REEP1: variants seen among roughly 807,000 people sequenced by gnomAD.
REEP1 encodes the protein receptor accessory protein 1.
Under a neutral mutation model 40.3 loss-of-function variants are expected in REEP1, and 22 were observed. The observed-to-expected ratio is 0.55, with a 90% CI of 0.39 to 0.78. The LOEUF is 0.78. Among genes scored for constraint, REEP1 ranks in the 30% least tolerant of loss-of-function variants. The pLI, the probability that REEP1 is intolerant of heterozygous loss-of-function variation, is 0.00. For synonymous variants in REEP1, 116 were observed against 139.2 expected, an observed-to-expected ratio of 0.83 and a Z score of 1.17; for missense variants, 280 against 361.1, an observed-to-expected ratio of 0.78 and a Z score of 1.82.
intron 2 of REEP1, among the ~76,000 whole-genome samples, chr2:86,270,911 A>T (rs78300575): frequency 0.03 from 4,578 of 152,288 alleles, 117 homozygotes; most frequent in East Asian, 0.071. Context: ...GATTAAAAAA[A>T]AAATAACAAA....
Position 86,215,709 on chromosome 2 carries a change from T to A in REEP1, c.*1330A>T, listed in dbSNP as rs141138007. 3.6e-3 allele frequency: 544 copies of A among 152,732 alleles called. 2 individuals carry two copies. The highest frequency in any genetic ancestry group is 4.6e-3 in the Non-Finnish European group (310 of 68,024). The allele number at this position is 152,732 out of a possible 1,614,324, so 9.5% of individuals were successfully genotyped here. On this transcript the variant is annotated 3_prime_UTR_variant, in exon 9 of 9. Transcript: ENST00000538924. ...AAACCAGATTCTTTTCAAATAAAATTCTCAATCTAAGTGGAAAGCCCCCTC... is the reference window on the plus strand; with the variant it reads ...AAACCAGATTCTTTTCAAATAAAATACTCAATCTAAGTGGAAAGCCCCCTC...
At chr2:86,333,965 G>A (rs192100636) in intron 1 of REEP1, among the ~76,000 whole-genome samples, 6 of 152,278 alleles carry the variant, frequency 3.9e-5, no homozygotes, top group African/African-American at 7.2e-5. Context: ...AGCCTTGCCC[G>A]TGGGCACAAG....
rs147205600 is a variant in REEP1 at position 86,265,323 on chromosome 2, C to G, written c.106-1282G>C. The stretch of plus-strand genomic sequence containing the variant: ...GCATTTGGAATTTCCAGTGAAACAC[C>G]TGGAAGACCACATCTTAGCAATAAA... On this transcript the variant is annotated intron_variant, in intron 2 of 8. Coordinates refer to ENST00000538924, the MANE Select transcript of REEP1 (RefSeq NM_001371279.1). Among the ~76,000 whole-genome samples the G allele has an allele frequency of 9.4e-4, 143 of 152,242 alleles. 1 individual carries two copies. The highest frequency in any genetic ancestry group is 3.2e-3 in the African/African-American group (133 of 41,540).
intron 5 of REEP1, among the ~76,000 whole-genome samples, chr2:86,244,839 G>A (rs1675846137): frequency 6.6e-6 from 1 of 152,206 alleles, no homozygotes; most frequent in Admixed American, 6.5e-5. Flanking sequence ...ACTGGCAAAT[G>A]AGGACTTGAA....
chr2:86,217,034 C>T lies in REEP1; in HGVS notation c.*5G>A. On this transcript the variant is annotated 3_prime_UTR_variant, in exon 9 of 9. Transcript: ENST00000538924. ...TGTGGATCCGGTGCTGTTGGCTCAT[C>T]TCACTCACGTGGTTTCGGTGGCCGA... The T allele has an allele frequency of 6.2e-7, 1 of 1,613,092 alleles. No homozygotes were observed. Among genetic ancestry groups the T allele is most frequent in the Non-Finnish European group, 8.5e-7 (1 of 1,179,036 alleles).
intron 1 of REEP1, among the ~76,000 whole-genome samples, chr2:86,326,181 T>C (rs543071302): frequency 1.3e-5 from 2 of 152,218 alleles, no homozygotes; most frequent in South Asian, 4.1e-4. Context: ...TGACTGGTTA[T>C]GTGACCTCAT....
intron 1 of REEP1, among the ~76,000 whole-genome samples, chr2:86,318,427 C>G (rs1680131256): frequency 7.7e-6 from 1 of 130,070 alleles, no homozygotes; most frequent in Non-Finnish European, 1.6e-5. Context: ...GAGATAGAGT[C>G]TTGCTCTGTC....
intron 3 of REEP1, among the ~76,000 whole-genome samples, chr2:86,255,465 T>A (rs1430428566): frequency 6.6e-6 from 1 of 152,172 alleles, no homozygotes; most frequent in Non-Finnish European, 1.5e-5. Context: ...AGATAGCACA[T>A]AATTCTGGAG....
intron 6 of REEP1, among the ~76,000 whole-genome samples, chr2:86,231,953 GAGGTCCCC>G (rs1558874467): frequency 2.0e-5 from 3 of 152,160 alleles, no homozygotes; most frequent in African/African-American, 7.2e-5. Context: ...CATGTTTAAC[GAGGTCCCC>G]AGGTCAGTCC....
intron 2 of REEP1, among the ~76,000 whole-genome samples, chr2:86,277,791 A>G (rs932630140): frequency 6.6e-6 from 1 of 152,212 alleles, no homozygotes; most frequent in Admixed American, 6.5e-5. Context: ...CTAGGTGTCC[A>G]GCATGTCCTT....
intron 7 of REEP1, 88 bp downstream of exon 7, chr2:86,227,275 A>G: frequency 1.9e-6 from 2 of 1,078,034 alleles, no homozygotes; most frequent in Non-Finnish European, 2.4e-6. Context: ...GCTGAAAGGG[A>G]GCCCCAGGGT....
chr2:86,220,186 A>G (rs1674340868), intron 7 of REEP1, 65 bp from the exon 8 acceptor site: 2 of 1,148,532 alleles, frequency 1.7e-6, no homozygotes, highest in Non-Finnish European at 2.2e-6. Flanking sequence ...CAGTGCAGGG[A>G]GCAGGGAAGG....
chr2:86,307,811 A>T (rs910330158), intron 1 of REEP1, among the ~76,000 whole-genome samples: 1 of 152,156 alleles, frequency 6.6e-6, no homozygotes, highest in East Asian at 1.9e-4. Flanking sequence ...TTACCAAGAG[A>T]AGTGAAATAC....
chr2:86,227,193 C>A (rs1674753869), intron 7 of REEP1, among the ~76,000 whole-genome samples, 170 bp downstream of exon 7: 1 of 152,200 alleles, frequency 6.6e-6, no homozygotes, highest in Non-Finnish European at 1.5e-5. Context: ...ATTTCTAGCC[C>A]ACAGGAACTG....
At chr2:86,233,445 C>T (rs1021625267) in intron 5 of REEP1, among the ~76,000 whole-genome samples, 4 of 151,972 alleles carry the variant, frequency 2.6e-5, no homozygotes, top group Non-Finnish European at 5.9e-5. Context: ...TTTAAAAAAA[C>T]CCTGCTGATT....
At chr2:86,257,788 C>A (rs1021021019) in intron 3 of REEP1, among the ~76,000 whole-genome samples, 2 of 152,288 alleles carry the variant, frequency 1.3e-5, no homozygotes, top group East Asian at 3.9e-4. Flanking sequence ...CAGGCGTGCA[C>A]CACAATGCCC....
intron 5 of REEP1, among the ~76,000 whole-genome samples, chr2:86,247,699 T>C (rs1676049618): frequency 6.6e-6 from 1 of 151,906 alleles, no homozygotes; most frequent in African/African-American, 2.4e-5. Context: ...GCCTTCCGAG[T>C]AGCTGGGATT....
chr2:86,252,203 C>T lies in REEP1; in HGVS notation c.304-133G>A, dbSNP rs1039368950. ...CTTGCTGGGCCTGAAAAGCTGTAGG[C>T]ACTTTGAAGGTGTGCGTGCAGAGGG... On this transcript the variant is annotated intron_variant, in intron 4 of 8. Transcript: ENST00000538924. 16 of 732,664 alleles carry T rather than the reference C, an allele frequency of 2.2e-5. No homozygotes were observed. In the Admixed American group the frequency reaches 2.9e-4, roughly 13 times the overall value. 45.4% of individuals were successfully genotyped at this position (732,664 alleles called of 1,614,324 possible).
intron 7 of REEP1, among the ~76,000 whole-genome samples, chr2:86,222,255 G>A (rs917756285): frequency 6.6e-6 from 1 of 152,168 alleles, no homozygotes; most frequent in Non-Finnish European, 1.5e-5. Flanking sequence ...GAAAAGAAAT[G>A]ACCCTCCAGC....
Sources: allele counts gnomAD v4.1 joint callset (sites outside exome capture counted in the v4.1 genomes callset), GRCh38; gene constraint gnomAD v4.1.1; transcripts MANE v1.5; gene names NCBI Gene and HGNC (gene_info 2026-07-23, HGNC 2026-07-21).